The following BNIP2 variants were observed in gnomAD, a reference collection of about 807,000 sequenced individuals.
The protein encoded by BNIP2 is BCL2/adenovirus E1B 19 kDa protein-interacting protein 2.
Under a neutral mutation model 43.4 loss-of-function variants are expected in BNIP2, and 36 were observed. The observed-to-expected ratio is 0.83, with a 90% CI of 0.64 to 1.10. BNIP2 has a LOEUF of 1.10. BNIP2 is among the 50% of genes least tolerant of loss of function. The probability of loss-of-function intolerance (pLI) is 0.00; values close to 1 mark genes in which losing one functional copy is unlikely to be tolerated. For missense variants in BNIP2, 417 were observed against 374.1 expected (o/e 1.11, Z -0.95); for synonymous variants, 146 against 121.0 (o/e 1.21, Z -1.35).
At chr15:59,688,456 G>A in intron 1 of BNIP2, 1 of 358,590 alleles carries the variant, frequency 2.8e-6, no homozygotes, top group South Asian at 2.9e-5. Context: ...ATAAATAGGA[G>A]GCACCGTAAC....
chr15:59,662,870 C>G lies in BNIP2; in HGVS notation c.*1199G>C. 1 of 152,220 alleles carries G rather than the reference C, an allele frequency of 6.6e-6. No individual in the cohort carries two copies. The highest frequency in any genetic ancestry group is 3.4e-3 in the Middle Eastern group (1 of 294). The allele number at this position is 152,220 out of a possible 1,614,324, so 9.4% of individuals were successfully genotyped here. ...GGTAATTAAACTTTTTGTTTGGAGG[C>G]ACAAACACAATTTATTTCAATGTAA... On this transcript the variant is annotated 3_prime_UTR_variant, in exon 10 of 10. Coordinates refer to ENST00000607373, the MANE Select transcript of BNIP2 (RefSeq NM_004330.4).
intron 5 of BNIP2, among the ~76,000 whole-genome samples, chr15:59,676,336 G>C (rs1055946762): frequency 6.6e-6 from 1 of 151,906 alleles, no homozygotes; most frequent in African/African-American, 2.4e-5. Flanking sequence ...ACCACTCCTG[G>C]CTAATTTTAT....
At chr15:59,676,675 C>T (rs1893311310) in intron 5 of BNIP2, 2 of 610,420 alleles carry the variant, frequency 3.3e-6, no homozygotes, top group South Asian at 4.1e-5. Context: ...ATTTAGAATT[C>T]TGATATTGCA....
intron 9 of BNIP2, among the ~76,000 whole-genome samples, chr15:59,666,856 C>G (rs1246685480): frequency 3.3e-5 from 5 of 151,458 alleles, no homozygotes; most frequent in Admixed American, 3.3e-4. Flanking sequence ...AAAATAGTGA[C>G]AGGTTTCAAA....
At chr15:59,689,080 G>T in intron 1 of BNIP2, 55 bp downstream of exon 1, 2 of 1,506,634 alleles carry the variant, frequency 1.3e-6, no homozygotes, top group African/African-American at 1.4e-5. Context: ...CCCCTAGGCC[G>T]GTTCCCAGTC....
chr15:59,677,825 T>G, intron 5 of BNIP2, 86 bp downstream of exon 5: 1 of 1,469,538 alleles, frequency 6.8e-7, no homozygotes, highest in Non-Finnish European at 9.1e-7. Context: ...AGGGCTTATT[T>G]ACTCTTAATA....
chr15:59,661,115 C>T lies in BNIP2; in HGVS notation c.*2954G>A, dbSNP rs8033161. ...ATTTGGGAGGCTGAGACAGGCAGAT[C>T]ATGAGGTCAGGAGTTCGAGACCAGC... On this transcript the variant is annotated 3_prime_UTR_variant, in exon 10 of 10. Transcript: ENST00000607373. The T allele has an allele frequency of 0.31, 47,322 of 151,940 alleles. 8,320 individuals are homozygous for T. The highest frequency in any genetic ancestry group is 0.58 in the East Asian group (3,006 of 5,150). 9.4% of individuals were successfully genotyped at this position (151,940 alleles called of 1,614,324 possible).
intron 1 of BNIP2, 37 bp downstream of exon 1, chr15:59,689,098 G>T: frequency 6.6e-7 from 1 of 1,523,818 alleles, no homozygotes; most frequent in Non-Finnish European, 8.8e-7. Context: ...GTCCAGCTCC[G>T]GAGCCACCGT....
chr15:59,668,125 T>C, intron 9 of BNIP2: 2 of 1,296,238 alleles, frequency 1.5e-6, no homozygotes, highest in Non-Finnish European at 2.0e-6. Flanking sequence ...TTTTTAAACT[T>C]TTCTTCTTCA....
At chr15:59,669,020 C>T (rs774422562) in intron 8 of BNIP2, 30 bp from the exon 9 acceptor site, 1 of 1,554,030 alleles carries the variant, frequency 6.4e-7, no homozygotes, top group Admixed American at 1.7e-5. Context: ...TAATTACTTC[C>T]ATATTTCTGA....
chr15:59,673,274 G>C (rs368861701), intron 5 of BNIP2, among the ~76,000 whole-genome samples: 16 of 151,952 alleles, frequency 1.1e-4, no homozygotes, highest in African/African-American at 3.9e-4. Flanking sequence ...CACCGTGCCC[G>C]GCTAATTTTT....
Position 59,671,245 on chromosome 15 carries a change from T to A in BNIP2, c.645A>T (p.Thr215=). 1 of 1,601,298 alleles carries A rather than the reference T, an allele frequency of 6.2e-7. No homozygotes were observed. Among genetic ancestry groups the A allele is most frequent in the Non-Finnish European group, 8.5e-7 (1 of 1,173,044 alleles). The change falls in exon 7 of 10, where the codon ACA becomes ACT. Residue 215 remains threonine, a synonymous_variant. Transcript: ENST00000607373. ...CCAGACTGGGCATTTTTCTTCGAGT[T>A]GTTGCACCATTTAAATAAACTATCA... is the stretch of plus-strand genomic sequence containing the variant. The part of the protein sequence containing the change: ...NYMIVYLNGA[T]TRRKMPSLGW...
intron 5 of BNIP2, chr15:59,676,723 CGCGGTGCGGT>C (rs1893316406): frequency 1.8e-6 from 2 of 1,085,646 alleles, no homozygotes; most frequent in Non-Finnish European, 1.3e-6. Flanking sequence ...TGGAGTGCCG[CGCGGTGCGGT>C]GCGGGCGGCA....
chr15:59,673,341 C>G (rs1426962987), intron 5 of BNIP2, among the ~76,000 whole-genome samples: 4 of 151,596 alleles, frequency 2.6e-5, no homozygotes, highest in African/African-American at 7.3e-5. Flanking sequence ...GTCTCGAACT[C>G]CTGACCTCGT....
chr15:59,687,056 T>C (rs1894065667), intron 1 of BNIP2, among the ~76,000 whole-genome samples: 1 of 152,062 alleles, frequency 6.6e-6, no homozygotes. Flanking sequence ...TAACACAAAA[T>C]TTAGAGGAAA....
chr15:59,684,655 TTTC>T (rs1893902009), intron 1 of BNIP2, among the ~76,000 whole-genome samples: 1 of 152,246 alleles, frequency 6.6e-6, no homozygotes, highest in Non-Finnish European at 1.5e-5. Flanking sequence ...ATGTTTAACT[TTTC>T]TTAAGTCTTT....
chr15:59,667,068 C>T (rs114729970), intron 9 of BNIP2, among the ~76,000 whole-genome samples: 110 of 152,250 alleles, frequency 7.2e-4, no homozygotes, highest in African/African-American at 2.5e-3. Flanking sequence ...ACTTGTCTGT[C>T]GAATGCACAG....
rs1204502066 is a variant in BNIP2, at chr15:59,663,760, CGAA to C, written c.*306_*308del. On this transcript the variant is annotated 3_prime_UTR_variant, in exon 10 of 10. Coordinates refer to ENST00000607373, the MANE Select transcript of BNIP2 (RefSeq NM_004330.4). The stretch of plus-strand genomic sequence containing the variant: ...CCATTTATGCATATAAATATTTCAC[CGAA>C]GAAGATGCATCATTCAATAAACAAA... 2 of 209,742 alleles carry C rather than the reference CGAA, an allele frequency of 9.5e-6. No homozygotes were observed. Among genetic ancestry groups the C allele is most frequent in the South Asian group, 1.8e-4 (1 of 5,442 alleles). The allele number at this position is 209,742 out of a possible 1,614,324, so 13.0% of individuals were successfully genotyped here.
chr15:59,681,484 G>A (rs1027721142), intron 2 of BNIP2, among the ~76,000 whole-genome samples: 32 of 146,278 alleles, frequency 2.2e-4, no homozygotes, highest in African/African-American at 8.1e-4. Context: ...AGCCTTGCTC[G>A]GTCGCCCAAG....
Sources: allele counts gnomAD v4.1 joint callset (sites outside exome capture counted in the v4.1 genomes callset), GRCh38; gene constraint gnomAD v4.1.1; transcripts MANE v1.5; gene names NCBI Gene and HGNC (gene_info 2026-07-23, HGNC 2026-07-21).